Variants in CNBD1 observed in about 807,000 individuals in gnomAD.
CNBD1 encodes cyclic nucleotide-binding domain-containing protein 1.
A neutral mutation model predicts 54.4 loss-of-function variants in CNBD1; 71 were observed. The observed-to-expected ratio is 1.30, with a 90% CI of 1.08 to 1.59. The LOEUF (loss-of-function observed/expected upper bound fraction) is 1.59, where lower values mean the gene tolerates loss of function less well. CNBD1 is among the 40% of genes most tolerant of loss of function. CNBD1 has a pLI of 0.00. For missense variants in CNBD1, 659 were observed against 518.0 expected, an observed-to-expected ratio of 1.27 and a Z score of -2.64; for synonymous variants, 182 against 170.7, an observed-to-expected ratio of 1.07 and a Z score of -0.51.
At chr8:87,165,988 A>G (rs1167618655) in intron 4 of CNBD1, among the ~76,000 whole-genome samples, 1 of 151,892 alleles carries the variant, frequency 6.6e-6, no homozygotes, top group Non-Finnish European at 1.5e-5. Context: ...TTGTGAAATT[A>G]TAAAAATGAA....
chr8:87,045,462 A>C (rs962726324), intron 4 of CNBD1, among the ~76,000 whole-genome samples: 13 of 152,292 alleles, frequency 8.5e-5, no homozygotes, highest in African/African-American at 2.9e-4. Context: ...AACATGCTTC[A>C]TTTAAGAGTA....
At chr8:87,168,675 A>G (rs1813022000) in intron 4 of CNBD1, among the ~76,000 whole-genome samples, 1 of 152,076 alleles carries the variant, frequency 6.6e-6, no homozygotes, top group East Asian at 1.9e-4. Context: ...AATAAGTGAT[A>G]ACATGCAGTT....
intron 10 of CNBD1, among the ~76,000 whole-genome samples, chr8:87,372,129 C>A (rs1810822693): frequency 6.6e-6 from 1 of 152,058 alleles, no homozygotes; most frequent in Non-Finnish European, 1.5e-5. Context: ...TGATAAGCAA[C>A]TTCAGCCAAG....
chr8:87,400,863 A>G lies in CNBD1; in HGVS notation c.214-27683A>G, dbSNP rs569409008. ...GGCTGCTTATTGCTTTTTAAAGAAT[A>G]ATCATGCTTTGTTGCCAGCCCCTGA... On this transcript the variant is annotated intron_variant, in intron 2 of 7. Transcript: ENST00000521593. Among the ~76,000 whole-genome samples the G allele has an allele frequency of 3.3e-5, 5 of 152,160 alleles. No individual in the cohort carries two copies. The East Asian group carries it at 9.7e-4, about 30-fold the overall frequency.
downstream of CNBD1, among the ~76,000 whole-genome samples, chr8:87,386,941 G>A (rs1024027494): frequency 6.6e-6 from 1 of 152,200 alleles, no homozygotes; most frequent in Non-Finnish European, 1.5e-5. Flanking sequence ...GAAGAGAGTG[G>A]GGGCCAAAAT....
At chr8:87,209,790 T>C (rs2130800234) in intron 5 of CNBD1, among the ~76,000 whole-genome samples, 1 of 152,312 alleles carries the variant, frequency 6.6e-6, no homozygotes, top group East Asian at 1.9e-4. Context: ...AAAGTGATTA[T>C]AATAAAAACA....
chr8:87,160,791 A>G (rs73263932), intron 4 of CNBD1, among the ~76,000 whole-genome samples: 3,703 of 152,156 alleles, frequency 0.024, 143 homozygotes, highest in African/African-American at 0.082. Flanking sequence ...AGAAAATACC[A>G]TAACCAGACA....
chr8:86,948,974 T>A (rs1807538760), intron 4 of CNBD1, among the ~76,000 whole-genome samples: 1 of 152,208 alleles, frequency 6.6e-6, no homozygotes, highest in South Asian at 2.1e-4. Flanking sequence ...CATGTGAATA[T>A]CTAGTTTTCC....
intron 2 of CNBD1, among the ~76,000 whole-genome samples, chr8:87,402,487 T>G (rs1270363856): frequency 6.6e-6 from 1 of 152,104 alleles, no homozygotes; most frequent in East Asian, 1.9e-4. Flanking sequence ...CAATTTGGGC[T>G]TGGTGTTTTT....
chr8:87,420,518 T>C (rs192102483), intron 2 of CNBD1, among the ~76,000 whole-genome samples: 54 of 152,232 alleles, frequency 3.5e-4, no homozygotes, highest in Admixed American at 1.6e-3. Flanking sequence ...TTTTATTACA[T>C]GTCAAAGTTT....
At chr8:87,398,122 A>T (rs185471093) in intron 2 of CNBD1, among the ~76,000 whole-genome samples, 2 of 151,456 alleles carry the variant, frequency 1.3e-5, no homozygotes, top group East Asian at 3.9e-4. Context: ...GCATCTTTAT[A>T]ATATGGCCTG....
intron 6 of CNBD1, among the ~76,000 whole-genome samples, chr8:87,283,100 C>T (rs1319045002): frequency 6.6e-6 from 1 of 152,078 alleles, no homozygotes; most frequent in Non-Finnish European, 1.5e-5. Flanking sequence ...TTACAACCCC[C>T]TTCTTATTTC....
At chr8:87,116,402 T>TG in intron 4 of CNBD1, among the ~76,000 whole-genome samples, 1 of 152,006 alleles carries the variant, frequency 6.6e-6, no homozygotes, top group Admixed American at 6.5e-5. Context: ...TTGGTAGAGA[T>TG]GGAGTCTCAC....
chr8:87,068,761 C>T (rs948026080), intron 4 of CNBD1, among the ~76,000 whole-genome samples: 3 of 151,908 alleles, frequency 2.0e-5, no homozygotes, highest in African/African-American at 7.2e-5. Flanking sequence ...TTTCTCTTTC[C>T]TTTCTCAACC....
At chr8:86,876,772 C>A (rs1808527352) in intron 1 of CNBD1, among the ~76,000 whole-genome samples, 1 of 151,568 alleles carries the variant, frequency 6.6e-6, no homozygotes, top group African/African-American at 2.4e-5. Flanking sequence ...GTTTTAATAT[C>A]CTCTTTTGAT....
intron 8 of CNBD1, among the ~76,000 whole-genome samples, chr8:87,300,507 A>C (rs750209052): frequency 1.3e-5 from 2 of 152,198 alleles, no homozygotes; most frequent in East Asian, 1.9e-4. Context: ...TTTTGTAGCT[A>C]TACTGGTACG....
intron 4 of CNBD1, among the ~76,000 whole-genome samples, chr8:86,966,478 TCTTC>T (rs1808077380): frequency 1.3e-5 from 2 of 152,230 alleles, no homozygotes; most frequent in South Asian, 4.1e-4. Context: ...GTCTGGACTT[TCTTC>T]CTTCTGGTGG....
chr8:87,068,222 A>G lies in CNBD1; in HGVS notation c.431+128468A>G, dbSNP rs143316656. 4.5e-3 allele frequency among the ~76,000 whole-genome samples: 687 copies of G among 152,170 alleles called. 3 individuals are homozygous for G. The highest frequency in any genetic ancestry group is 7.3e-3 in the Non-Finnish European group (497 of 67,912). On this transcript the variant is annotated intron_variant, in intron 4 of 10. Coordinates refer to ENST00000518476, the MANE Select transcript of CNBD1 (RefSeq NM_173538.3). The stretch of plus-strand genomic sequence containing the variant: ...TTATCTTACTCATCAAATTCTGACA[A>G]AGTGTTTAGTTAATTTACAAACCAC...
chr8:86,947,757 G>T (rs1221764883), intron 4 of CNBD1, among the ~76,000 whole-genome samples: 1 of 151,990 alleles, frequency 6.6e-6, no homozygotes, highest in Non-Finnish European at 1.5e-5. Context: ...TATCCTTTGT[G>T]TTACAAACAT....
Sources: allele counts gnomAD v4.1 joint callset (sites outside exome capture counted in the v4.1 genomes callset), GRCh38; gene constraint gnomAD v4.1.1; transcripts MANE v1.5; gene names NCBI Gene and HGNC (gene_info 2026-07-23, HGNC 2026-07-21).